NAALADL2: variants seen among roughly 807,000 people sequenced by gnomAD.
NAALADL2 encodes the protein inactive N-acetylated-alpha-linked acidic dipeptidase-like protein 2.
A neutral mutation model predicts 87.2 loss-of-function variants in NAALADL2; 76 were observed. The observed-to-expected ratio is 0.87, with a 90% confidence interval of 0.72 to 1.05. NAALADL2 has a LOEUF of 1.05. Ranked by LOEUF, NAALADL2 falls within the 50% of genes least tolerant of loss-of-function variation. The probability of loss-of-function intolerance (pLI) is 0.00; values close to 1 mark genes in which losing one functional copy is unlikely to be tolerated. For missense variants in NAALADL2, 1,089 were observed against 945.8 expected (o/e 1.15, Z -1.99); for synonymous variants, 354 against 331.0 (o/e 1.07, Z -0.75).
At chr3:175,250,932 A>G (rs1295560423) in intron 3 of NAALADL2, among the ~76,000 whole-genome samples, 1 of 152,170 alleles carries the variant, frequency 6.6e-6, no homozygotes, top group Non-Finnish European at 1.5e-5. Flanking sequence ...CCGTTGATAA[A>G]CAACATCTTT....
intron 10 of NAALADL2, among the ~76,000 whole-genome samples, chr3:175,582,905 C>A (rs752126986): frequency 1.3e-5 from 2 of 152,078 alleles, no homozygotes; most frequent in Non-Finnish European, 2.9e-5. Context: ...ACAGTAAGAC[C>A]CTTTCTGGAG....
At chr3:175,549,221 A>G (rs1208025742) in intron 9 of NAALADL2, among the ~76,000 whole-genome samples, 1 of 151,892 alleles carries the variant, frequency 6.6e-6, no homozygotes, top group African/African-American at 2.4e-5. Flanking sequence ...TACTCTGTAA[A>G]TAATACACCA....
intron 2 of NAALADL2, among the ~76,000 whole-genome samples, chr3:175,207,366 G>T (rs1389209047): frequency 6.6e-6 from 1 of 152,056 alleles, no homozygotes; most frequent in Non-Finnish European, 1.5e-5. Flanking sequence ...TTAAAACCAT[G>T]ATGGAAGTTA....
intron 9 of NAALADL2, among the ~76,000 whole-genome samples, chr3:175,523,111 G>A (rs191749671): frequency 1.1e-4 from 17 of 152,088 alleles, no homozygotes; most frequent in Non-Finnish European, 2.1e-4. Flanking sequence ...TGGAATCAGC[G>A]GTTCTACCAA....
Position 175,081,495 on chromosome 3 carries a change from T to A in NAALADL2, c.44-15295T>A, listed in dbSNP as rs1717810997. Among the ~76,000 whole-genome samples, 9 of 152,274 alleles carry A rather than the reference T, an allele frequency of 5.9e-5. No homozygotes were observed. The South Asian group carries it at 1.9e-3, about 32-fold the overall frequency. On this transcript the variant is annotated intron_variant, in intron 1 of 13. Transcript: ENST00000454872. ...AAACTCAAATGTCATGGTGTCTTTA[T>A]CCTGGAAGAATCTGGAATGACATAT...
chr3:175,624,073 TAAAC>T (rs1726640850), intron 10 of NAALADL2, among the ~76,000 whole-genome samples: 1 of 151,770 alleles, frequency 6.6e-6, no homozygotes, highest in Non-Finnish European at 1.5e-5. Context: ...TTGCTAGAAA[TAAAC>T]AAACGAAAAC....
chr3:174,781,525 T>C (rs1329405164), intron 3 of NAALADL2, among the ~76,000 whole-genome samples: 1 of 151,932 alleles, frequency 6.6e-6, no homozygotes, highest in Non-Finnish European at 1.5e-5. Context: ...CAAGACAATA[T>C]GTTAAATCTG....
At chr3:174,677,291 T>A (rs1234146661) in intron 2 of NAALADL2, among the ~76,000 whole-genome samples, 2 of 152,064 alleles carry the variant, frequency 1.3e-5, no homozygotes, top group Non-Finnish European at 2.9e-5. Flanking sequence ...TTTAAAGTCC[T>A]CTCCTGGGAC....
intron 1 of NAALADL2, among the ~76,000 whole-genome samples, chr3:175,016,278 A>T (rs13319039): frequency 0.079 from 11,503 of 144,772 alleles, 510 homozygotes; most frequent in Admixed American, 0.12. Flanking sequence ...TATATATATA[A>T]AAAACAATAG....
At chr3:175,503,969 A>G (rs923448701) in intron 9 of NAALADL2, among the ~76,000 whole-genome samples, 4 of 151,986 alleles carry the variant, frequency 2.6e-5, no homozygotes, top group South Asian at 2.1e-4. Flanking sequence ...TTTTCTTCCA[A>G]TTGCTGTTGG....
intron 4 of NAALADL2, among the ~76,000 whole-genome samples, chr3:175,272,931 A>G (rs1753062041): frequency 6.6e-6 from 1 of 152,130 alleles, no homozygotes; most frequent in East Asian, 1.9e-4. Flanking sequence ...AATTATGGCA[A>G]TATAGCAATA....
At chr3:175,238,788 G>A (rs1405787441) in intron 3 of NAALADL2, among the ~76,000 whole-genome samples, 1 of 152,088 alleles carries the variant, frequency 6.6e-6, no homozygotes, top group Non-Finnish European at 1.5e-5. Flanking sequence ...AGCTTGAGTG[G>A]TTGCTGCTAA....
At chr3:175,130,865 A>G (rs1018293583) in intron 2 of NAALADL2, among the ~76,000 whole-genome samples, 3 of 152,174 alleles carry the variant, frequency 2.0e-5, no homozygotes, top group Non-Finnish European at 4.4e-5. Context: ...GTTCTGTTTT[A>G]TCAAGATTAC....
rs976249099 is a variant in NAALADL2 at position 175,497,536 on chromosome 3, G to A, written c.1653+25778G>A. ...TTAGAGCTTTTTGAAAATTGTAAAT[G>A]TCTAAGGAGTAGTTTCAGGTAGACA... On this transcript the variant is annotated intron_variant, in intron 9 of 13. Coordinates refer to ENST00000454872, the MANE Select transcript of NAALADL2 (RefSeq NM_207015.3). 2.8e-4 allele frequency among the ~76,000 whole-genome samples: 42 copies of A among 152,196 alleles called. 4 individuals are homozygous for A. The highest frequency in any genetic ancestry group is 1.3e-3 in the Admixed American group (20 of 15,268).
rs1451629472 is a variant in NAALADL2 at position 175,806,131 on chromosome 3, C to T, written c.*2928C>T. On this transcript the variant is annotated 3_prime_UTR_variant, in exon 14 of 14. Transcript: ENST00000454872. Reference sequence around the variant, plus strand: ...CATTCGATGTAACCAGCCATTCTGTCAGATGTTGCATGGGCTGGAAACACT... The same window carrying T: ...CATTCGATGTAACCAGCCATTCTGTTAGATGTTGCATGGGCTGGAAACACT... 2 of 151,884 alleles carry T rather than the reference C, an allele frequency of 1.3e-5. No individual in the cohort carries two copies. The highest frequency in any genetic ancestry group is 2.9e-5 in the Non-Finnish European group (2 of 67,888). 9.4% of individuals were successfully genotyped at this position (151,884 alleles called of 1,614,324 possible).
At chr3:174,666,178 A>G (rs1725938307) in intron 2 of NAALADL2, among the ~76,000 whole-genome samples, 2 of 152,212 alleles carry the variant, frequency 1.3e-5, no homozygotes, top group South Asian at 2.1e-4. Flanking sequence ...CCATAGAAGC[A>G]TAAAATAGCA....
At chr3:175,078,467 A>G (rs1354879215) in intron 1 of NAALADL2, among the ~76,000 whole-genome samples, 2 of 152,216 alleles carry the variant, frequency 1.3e-5, no homozygotes, top group African/African-American at 4.8e-5. Context: ...TGAAGTGTGC[A>G]ATTTGATGGT....
At chr3:175,137,415 T>C (rs1392824320) in intron 2 of NAALADL2, among the ~76,000 whole-genome samples, 1 of 152,140 alleles carries the variant, frequency 6.6e-6, no homozygotes, top group Non-Finnish European at 1.5e-5. Flanking sequence ...AATGGCTGCA[T>C]GCTATACTAT....
At position 174,833,135 on chromosome 3, in the gene NAALADL2, TTTG is replaced by T. The variant is rs1261509536; in HGVS notation, c.-9+95392_-9+95394del. On this transcript the variant is annotated intron_variant, in intron 3 of 3. Coordinates refer to the NAALADL2 transcript ENST00000434257. ...AATACTGTTTCTGAGAATAAAATCA[TTTG>T]TTATATAAGTTCTACTTTTTTCTGT... Among the ~76,000 whole-genome samples the T allele has an allele frequency of 5.3e-5, 8 of 152,292 alleles. No homozygotes were observed. In the South Asian group the frequency reaches 8.3e-4, roughly 16 times the overall value.
Sources: gnomAD v4.1 joint callset for allele counts (sites outside exome capture counted in the v4.1 genomes callset) on GRCh38, gnomAD v4.1.1 for gene constraint, MANE v1.5 for transcripts, NCBI Gene and HGNC (gene_info 2026-07-23, HGNC 2026-07-21) for gene names.